The following SPATA9 variants were observed in gnomAD, a reference collection of about 807,000 sequenced individuals.
SPATA9 encodes the protein spermatogenesis-associated protein 9.
Under a neutral mutation model 25.5 loss-of-function variants are expected in SPATA9, and 27 were observed. The ratio of observed to expected loss-of-function variants is 1.06; its 90% CI spans 0.78 to 1.46. The LOEUF (loss-of-function observed/expected upper bound fraction) is 1.46. Among genes scored for constraint, SPATA9 ranks in the 40% most tolerant of loss-of-function variants. The pLI, the probability that SPATA9 is intolerant of heterozygous loss-of-function variation, is 0.00. For missense variants in SPATA9, 282 were observed against 297.5 expected, an observed-to-expected ratio of 0.95 and a Z score of 0.38; for synonymous variants, 102 against 105.7, an observed-to-expected ratio of 0.97 and a Z score of 0.21.
intron 3 of SPATA9, chr5:95,670,246 T>G (rs147448721): frequency 1.3e-5 from 2 of 152,300 alleles, no homozygotes; most frequent in African/African-American, 4.8e-5. Flanking sequence ...CATTAATGGA[T>G]GCTGCATTTC....
chr5:95,653,539 T>G (rs550503491), downstream of SPATA9, among the ~76,000 whole-genome samples: 3 of 152,328 alleles, frequency 2.0e-5, no homozygotes, highest in South Asian at 4.1e-4. Flanking sequence ...GATTGAGGAA[T>G]CCTCCCTAAT....
chr5:95,731,810 G>A, the SPATA9 span: 431 of 1,600,956 alleles, frequency 2.7e-4, 1 homozygote, highest in African/African-American at 4.7e-3. Flanking sequence ...GGAGAGACCC[G>A]CGCGCTGACC....
rs1416324486 is a variant in SPATA9, at chr5:95,670,683, G to A, written c.378+4729C>T. Among the ~76,000 whole-genome samples the A allele has an allele frequency of 2.0e-5, 3 of 152,162 alleles. 1 individual carries two copies. The highest frequency in any genetic ancestry group is 3.8e-4 in the East Asian group (2 of 5,200). Reference sequence around the variant, plus strand: ...ACAATTCTTAAAGGAATTCATGCTGGAATCCACTCTGGGTAAGCTGAACTC... The same window carrying A: ...ACAATTCTTAAAGGAATTCATGCTGAAATCCACTCTGGGTAAGCTGAACTC... On this transcript the variant is annotated intron_variant, in intron 3 of 4. Coordinates refer to ENST00000274432, the MANE Select transcript of SPATA9 (RefSeq NM_031952.4).
Position 95,675,489 on chromosome 5 carries a change from G to A in SPATA9, c.301C>T (p.Leu101Phe), listed in dbSNP as rs1319521387. 2 of 1,614,050 alleles carry A rather than the reference G, an allele frequency of 1.2e-6. No homozygotes were observed. Among genetic ancestry groups the A allele is most frequent in the Non-Finnish European group, 1.7e-6 (2 of 1,180,036 alleles). ...CCAGATATGTCCCTTAGCTCTAAAA[G>A]TCTGCATGCAAGCTGAGGATGCAGA... ...KLLHPQLACR[L>F]LELRDISGRL... Residue 101 changes from leucine to phenylalanine, a missense_variant, in exon 3 of 5, where the codon CTT becomes TTT. Coordinates refer to ENST00000274432, the MANE Select transcript of SPATA9 (RefSeq NM_031952.4).
downstream of SPATA9, among the ~76,000 whole-genome samples, chr5:95,658,271 C>CT (rs550042928): frequency 2.0e-3 from 306 of 151,778 alleles, 3 homozygotes; most frequent in African/African-American, 6.9e-3. Context: ...CTTGATGGGG[C>CT]TTTTTTTCCT....
intron 4 of SPATA9, among the ~76,000 whole-genome samples, chr5:95,660,637 A>C (rs1219490871): frequency 6.6e-6 from 1 of 152,162 alleles, no homozygotes; most frequent in Non-Finnish European, 1.5e-5. Flanking sequence ...CTGTGAATTC[A>C]TGTTGCAAAA....
At chr5:95,704,380 T>C in the SPATA9 span, among the ~76,000 whole-genome samples, 1 of 152,170 alleles carries the variant, frequency 6.6e-6, no homozygotes, top group Non-Finnish European at 1.5e-5. Flanking sequence ...TAGCAGCTGC[T>C]AGTCTAAGGA....
At chr5:95,699,207 T>C (rs565777801), upstream of SPATA9, among the ~76,000 whole-genome samples, 2 of 152,342 alleles carry the variant, frequency 1.3e-5, no homozygotes, top group South Asian at 4.1e-4. Context: ...CTAACCTGAG[T>C]TCATATCCTG....
the SPATA9 span, chr5:95,731,225 G>A: frequency 3.0e-6 from 3 of 1,002,336 alleles, no homozygotes; most frequent in East Asian, 1.1e-4. Context: ...CCCCGCATCC[G>A]CCCGACCCCC....
chr5:95,666,443 A>C (rs1017786337), intron 3 of SPATA9, among the ~76,000 whole-genome samples: 1 of 152,226 alleles, frequency 6.6e-6, no homozygotes, highest in Non-Finnish European at 1.5e-5. Context: ...ATTGAGAATA[A>C]TAGCTAATGT....
At chr5:95,665,556 T>C (rs140704797) in intron 3 of SPATA9, among the ~76,000 whole-genome samples, 36 of 152,370 alleles carry the variant, frequency 2.4e-4, no homozygotes, top group African/African-American at 8.4e-4. Flanking sequence ...GACAGAATTC[T>C]TTTTAATGGT....
At chr5:95,699,882 C>G (rs1349012866), upstream of SPATA9, among the ~76,000 whole-genome samples, 1 of 152,140 alleles carries the variant, frequency 6.6e-6, no homozygotes, top group South Asian at 2.1e-4. Context: ...TCTAATATTT[C>G]TTGAAAGCCT....
At chr5:95,709,604 T>C in the SPATA9 span, among the ~76,000 whole-genome samples, 1 of 152,174 alleles carries the variant, frequency 6.6e-6, no homozygotes, top group Admixed American at 6.5e-5. Context: ...TCAGACCCTA[T>C]GGCAGCAGGC....
the SPATA9 span, among the ~76,000 whole-genome samples, chr5:95,722,266 C>T: frequency 2.0e-5 from 3 of 152,038 alleles, no homozygotes; most frequent in Non-Finnish European, 2.9e-5. Context: ...CAAATTATAG[C>T]AATACTGAAC....
the SPATA9 span, among the ~76,000 whole-genome samples, chr5:95,729,076 C>G: frequency 2.0e-5 from 3 of 152,208 alleles, no homozygotes; most frequent in Non-Finnish European, 1.5e-5. Flanking sequence ...TAATCCACCC[C>G]TTGTTTAGCA....
chr5:95,663,555 T>C (rs1319925829), intron 4 of SPATA9, among the ~76,000 whole-genome samples: 1 of 152,132 alleles, frequency 6.6e-6, no homozygotes, highest in Non-Finnish European at 1.5e-5. Flanking sequence ...TTTATATTTT[T>C]CTCATGCACA....
intron 1 of SPATA9, among the ~76,000 whole-genome samples, chr5:95,690,390 G>A (rs984350119): frequency 6.6e-6 from 1 of 152,270 alleles, no homozygotes; most frequent in African/African-American, 2.4e-5. Context: ...AATGAACCAG[G>A]ACTCCTAAAG....
the SPATA9 span, chr5:95,708,555 A>G: frequency 7.8e-5 from 54 of 695,652 alleles, no homozygotes; most frequent in South Asian, 6.7e-4. Context: ...AGAAAAACTG[A>G]TAAGTATCTC....
chr5:95,719,644 C>T, the SPATA9 span: 1 of 152,162 alleles, frequency 6.6e-6, no homozygotes, highest in African/African-American at 2.4e-5. Context: ...ATTTGCATAC[C>T]TGTTCAGAGA....
Sources: gnomAD v4.1 joint callset for allele counts (sites outside exome capture counted in the v4.1 genomes callset) on GRCh38, gnomAD v4.1.1 for gene constraint, MANE v1.5 for transcripts, NCBI Gene and HGNC (gene_info 2026-07-23, HGNC 2026-07-21) for gene names.